STAT3: variants seen among roughly 807,000 people sequenced by gnomAD.
STAT3 encodes DNA-binding protein APRF.
Under a neutral mutation model 114.3 loss-of-function variants are expected in STAT3, and 7 were observed. The observed-to-expected ratio is 0.06, with a 90% CI of 0.03 to 0.11. STAT3 has a LOEUF of 0.11. STAT3 is among the 10% of genes least tolerant of loss of function. The pLI, the probability that STAT3 is intolerant of heterozygous loss-of-function variation, is 1.00. For missense variants in STAT3, 364 were observed against 960.9 expected, an observed-to-expected ratio of 0.38 and a Z score of 8.21; for synonymous variants, 331 against 354.5, an observed-to-expected ratio of 0.93 and a Z score of 0.74.
intron 1 of STAT3, among the ~76,000 whole-genome samples, chr17:42,366,339 A>G (rs970592944): frequency 1.3e-5 from 2 of 151,404 alleles, no homozygotes; most frequent in Non-Finnish European, 2.9e-5. Context: ...CTCCTGCCAC[A>G]CCTAATCCAT....
intron 10 of STAT3, among the ~76,000 whole-genome samples, chr17:42,332,077 G>A (rs376757525): frequency 2.6e-5 from 4 of 151,592 alleles, no homozygotes; most frequent in Non-Finnish European, 2.9e-5. Flanking sequence ...ACAGGCGCGC[G>A]CCACCACGCT....
At chr17:42,358,933 C>CATTTTTT (rs2083366327) in intron 1 of STAT3, among the ~76,000 whole-genome samples, 1 of 100,500 alleles carries the variant, frequency 1.0e-5, no homozygotes, top group Non-Finnish European at 1.9e-5. Context: ...ACATTTCTTA[C>CATTTTTT]TTTTTTTTTT....
chr17:42,314,566 G>A lies in STAT3; in HGVS notation c.*1179C>T. 8.6e-6 allele frequency: 2 copies of A among 232,626 alleles called. No individual in the cohort carries two copies. Among genetic ancestry groups the A allele is most frequent in the Non-Finnish European group, 1.7e-5 (2 of 117,346 alleles). 14.4% of individuals were successfully genotyped at this position (232,626 alleles called of 1,614,324 possible). Reference sequence around the variant, plus strand: ...CAGAAACAACCTAGCCTCTGAAACAGCAGATCAAGTCCAGGGAGAAAGGGA... The same window carrying A: ...CAGAAACAACCTAGCCTCTGAAACAACAGATCAAGTCCAGGGAGAAAGGGA... On this transcript the variant is annotated 3_prime_UTR_variant, in exon 24 of 24. Transcript: ENST00000264657.
chr17:42,355,001 C>A (rs1377078160), intron 1 of STAT3, among the ~76,000 whole-genome samples: 1 of 152,102 alleles, frequency 6.6e-6, no homozygotes, highest in Non-Finnish European at 1.5e-5. Flanking sequence ...TCCTTACAGG[C>A]TGCTTAGCTA....
At chr17:42,331,162 C>T (rs2081996189) in intron 11 of STAT3, among the ~76,000 whole-genome samples, 1 of 152,174 alleles carries the variant, frequency 6.6e-6, no homozygotes. Flanking sequence ...GAACGTATCC[C>T]AGTCGTTAAT....
chr17:42,381,454 G>A (rs1451397858), intron 1 of STAT3, among the ~76,000 whole-genome samples: 2 of 152,256 alleles, frequency 1.3e-5, no homozygotes, highest in Middle Eastern at 3.4e-3. Flanking sequence ...GGCCAGGCGT[G>A]CTGGCTCACG....
chr17:42,332,288 C>T (rs2082050907), intron 10 of STAT3, among the ~76,000 whole-genome samples: 1 of 150,224 alleles, frequency 6.7e-6, no homozygotes, highest in Admixed American at 6.6e-5. Context: ...ACCTGTAATC[C>T]CAGCACTTTG....
intron 21 of STAT3, among the ~76,000 whole-genome samples, 191 bp downstream of exon 21, chr17:42,322,091 C>G (rs548092620): frequency 1.3e-5 from 2 of 152,296 alleles, no homozygotes; most frequent in South Asian, 4.2e-4. Flanking sequence ...CTACACTACT[C>G]TAAGTGATTC....
chr17:42,322,560 C>A, intron 20 of STAT3, 66 bp from the exon 21 acceptor site: 1 of 1,573,084 alleles, frequency 6.4e-7, no homozygotes, highest in South Asian at 1.1e-5. Context: ...AGAAAACTGC[C>A]CATTTTTTCT....
chr17:42,323,863 C>G (rs1180827316), intron 17 of STAT3, among the ~76,000 whole-genome samples: 1 of 152,172 alleles, frequency 6.6e-6, no homozygotes, highest in East Asian at 1.9e-4. Flanking sequence ...AACAAGTCCC[C>G]CTGCTCTTCC....
At chr17:42,329,840 A>C in intron 11 of STAT3, 64 bp from the exon 12 acceptor site, 3 of 1,570,090 alleles carry the variant, frequency 1.9e-6, no homozygotes, top group Non-Finnish European at 2.6e-6. Flanking sequence ...GCCTACTTTG[A>C]CCACCTGTTA....
rs747269380 is a variant in STAT3, at chr17:42,333,670, T to C, written c.1049+3A>G. On this transcript the variant is annotated splice_donor_region_variant and intron_variant, in intron 10 of 23. Coordinates refer to ENST00000264657, the MANE Select transcript of STAT3 (RefSeq NM_139276.3). The surrounding 1 kb of genome is among the most constrained non-coding windows in gnomAD (Gnocchi z 5.2). ...TACTGGAAATGGAAGTGGCATGGCC[T>C]ACCTGACTTTAGTAGTGAACTGGAC... 1.2e-6 allele frequency: 2 copies of C among 1,614,024 alleles called. No homozygotes were observed. The highest frequency in any genetic ancestry group is 1.7e-6 in the Non-Finnish European group (2 of 1,179,938).
chr17:42,332,537 C>CA (rs759010924), intron 10 of STAT3, among the ~76,000 whole-genome samples: 883 of 39,314 alleles, frequency 0.022, 6 homozygotes, highest in Non-Finnish European at 0.028. Context: ...GACTCCATCT[C>CA]AAAAAAAAAA....
intron 1 of STAT3, among the ~76,000 whole-genome samples, chr17:42,352,659 A>C: frequency 6.6e-6 from 1 of 152,152 alleles, no homozygotes; most frequent in Non-Finnish European, 1.5e-5. Flanking sequence ...CTCAAAAAAA[A>C]AAAAAAAAAA....
rs952541771 is a variant in STAT3, at chr17:42,326,300, G to T, written c.1282-101C>A. 5 of 1,036,652 alleles carry T rather than the reference G, an allele frequency of 4.8e-6. No individual in the cohort carries two copies. In the African/African-American group the frequency reaches 6.3e-5, roughly 13 times the overall value. 64.2% of individuals were successfully genotyped at this position (1,036,652 alleles called of 1,614,324 possible). ...AGGCAGGAGGATTGCCTGAGCCCAG[G>T]AGTTCGAGACCAGTCTAAGCAGCAC... On this transcript the variant is annotated intron_variant, in intron 14 of 23. Coordinates refer to ENST00000264657, the MANE Select transcript of STAT3 (RefSeq NM_139276.3).
chr17:42,322,218 A>C, intron 21 of STAT3, 64 bp downstream of exon 21: 1 of 1,525,210 alleles, frequency 6.6e-7, no homozygotes, highest in Non-Finnish European at 9.1e-7. Flanking sequence ...TCTATCCTCC[A>C]AGGATCCCAA....
chr17:42,388,421 G>GGCTT lies in STAT3; in HGVS notation c.-170_-167dup. The GGCTT allele has an allele frequency of 5.7e-6, 7 of 1,231,886 alleles. No homozygotes were observed. The highest frequency in any genetic ancestry group is 7.1e-6 in the Non-Finnish European group (7 of 988,042). The allele number at this position is 1,231,886 out of a possible 1,614,324, so 76.3% of individuals were successfully genotyped here. A position where few individuals can be genotyped will look rare whatever the true frequency, so the allele number is the denominator to read the frequency against. ...GGGTGCCTGTCCAGGATCCGGTTGG[G>GGCTT]GCTTGTTCCCTCGGCTGCGACGTCG... On this transcript the variant is annotated 5_prime_UTR_variant, in exon 1 of 24. Coordinates refer to ENST00000264657, the MANE Select transcript of STAT3 (RefSeq NM_139276.3).
intron 8 of STAT3, among the ~76,000 whole-genome samples, chr17:42,334,417 G>A (rs1407498271): frequency 1.3e-5 from 2 of 149,630 alleles, no homozygotes; most frequent in Non-Finnish European, 3.0e-5. Flanking sequence ...AGAGATTACA[G>A]GTGTAAGCCA....
rs986017605 is a variant in STAT3 at position 42,322,487 on chromosome 17, G to A, written c.1896C>T (p.Thr632=). 2.5e-6 allele frequency: 4 copies of A among 1,614,082 alleles called. No homozygotes were observed. The African/African-American group carries it at 5.3e-5, about 22-fold the overall frequency. The part of the protein sequence containing the change: ...TWVEKDISGK[T]QIQSVEPYTK... ...TGTATGGTTCCACGGACTGGATCTG[G>A]GTCTTACCTGTCACAGGACATGGGA... The change falls in exon 21 of 24, where the codon ACC becomes ACT. Residue 632 remains threonine (T), a synonymous_variant. Transcript: ENST00000264657.
Sources: allele counts gnomAD v4.1 joint callset (sites outside exome capture counted in the v4.1 genomes callset), GRCh38; gene constraint gnomAD v4.1.1; non-coding constraint Gnocchi (gnomAD v3.1); transcripts MANE v1.5; gene names NCBI Gene and HGNC (gene_info 2026-07-23, HGNC 2026-07-21).